RGS7: variants seen among roughly 807,000 people sequenced by gnomAD.
RGS7 encodes the protein regulator of G-protein signaling 7.
Under a neutral mutation model 81.1 loss-of-function variants are expected in RGS7, and 27 were observed. That is an observed-to-expected ratio of 0.33 (90% CI 0.25 to 0.46). RGS7 has a LOEUF of 0.46. Ranked by LOEUF, RGS7 falls within the 20% of genes least tolerant of loss-of-function variation. The probability of loss-of-function intolerance (pLI) is 1.00; values close to 1 mark genes in which losing one functional copy is unlikely to be tolerated. For missense variants in RGS7, 396 were observed against 607.4 expected, an observed-to-expected ratio of 0.65 and a Z score of 3.66; for synonymous variants, 208 against 207.7, an observed-to-expected ratio of 1.00 and a Z score of -0.01.
At chr1:241,171,338 G>C (rs58065929) in intron 2 of RGS7, among the ~76,000 whole-genome samples, 24,704 of 152,072 alleles carry the variant, frequency 0.16, 2,875 homozygotes, top group African/African-American at 0.32. Context: ...TAATTTCTCA[G>C]CATAATTCCA....
chr1:240,888,474 C>G (rs193175377), intron 6 of RGS7, among the ~76,000 whole-genome samples: 3 of 152,094 alleles, frequency 2.0e-5, no homozygotes, highest in Non-Finnish European at 4.4e-5. Flanking sequence ...ACCTTGTGCC[C>G]GGCTTTTCCT....
At chr1:241,340,680 A>G (rs1017270737) in intron 2 of RGS7, among the ~76,000 whole-genome samples, 1 of 152,158 alleles carries the variant, frequency 6.6e-6, no homozygotes, top group Non-Finnish European at 1.5e-5. Context: ...CCTGAAAACT[A>G]AGGATGGAAA....
Position 240,917,052 on chromosome 1 carries a change from C to G in RGS7, c.385+13665G>C, listed in dbSNP as rs552340121. On this transcript the variant is annotated intron_variant, in intron 6 of 18. Transcript: ENST00000440928. Reference sequence around the variant, plus strand: ...TACCTGGAGAGAAAAAATAAAATAACTGCTTTGAATTTCTCATCAGAAACC... The same window carrying G: ...TACCTGGAGAGAAAAAATAAAATAAGTGCTTTGAATTTCTCATCAGAAACC... 5.9e-5 allele frequency among the ~76,000 whole-genome samples: 9 copies of G among 152,218 alleles called. No individual in the cohort carries two copies. The East Asian group carries it at 1.7e-3, about 29-fold the overall frequency.
intron 18 of RGS7, among the ~76,000 whole-genome samples, chr1:240,795,164 A>AC (rs1295087683): frequency 6.6e-6 from 1 of 151,852 alleles, no homozygotes; most frequent in Admixed American, 6.6e-5. Context: ...AGCCTGGACA[A>AC]CAAGAGCAAA....
chr1:241,013,489 T>C (rs1012147040), intron 3 of RGS7, among the ~76,000 whole-genome samples: 3 of 152,216 alleles, frequency 2.0e-5, no homozygotes, highest in Non-Finnish European at 1.5e-5. Flanking sequence ...AGCTAAGAAC[T>C]TGCGAGGGTT....
intron 4 of RGS7, among the ~76,000 whole-genome samples, chr1:240,951,883 A>C (rs1268161828): frequency 6.6e-6 from 1 of 152,206 alleles, no homozygotes; most frequent in Non-Finnish European, 1.5e-5. Flanking sequence ...TCTTGAAAAA[A>C]GCGAGAAAAA....
chr1:241,025,459 A>G (rs2148709148), intron 3 of RGS7, among the ~76,000 whole-genome samples: 1 of 152,346 alleles, frequency 6.6e-6, no homozygotes, highest in Admixed American at 6.5e-5. Context: ...TCATTTGTCC[A>G]AGGTCACAGA....
At chr1:240,832,700 A>G (rs554647765) in intron 9 of RGS7, among the ~76,000 whole-genome samples, 1 of 152,332 alleles carries the variant, frequency 6.6e-6, no homozygotes, top group South Asian at 2.1e-4. Flanking sequence ...AATACAGAAC[A>G]GCTGTGTTTA....
chr1:241,195,922 C>T (rs1194095677), intron 2 of RGS7, among the ~76,000 whole-genome samples: 1 of 152,034 alleles, frequency 6.6e-6, no homozygotes, highest in Non-Finnish European at 1.5e-5. Flanking sequence ...AAATGGGGCA[C>T]AAGCAATATT....
rs545242717 is a variant in RGS7, at chr1:240,933,089, A to G, written c.334-2321T>C. ...AGTAGAGACGGGGTTTCACCGTGTT[A>G]GCCAGGATGGTCTCCATCTCCTGAC... On this transcript the variant is annotated intron_variant, in intron 5 of 18. Transcript: ENST00000440928. 1.3e-4 allele frequency among the ~76,000 whole-genome samples: 20 copies of G among 149,974 alleles called. 1 individual carries two copies. Among genetic ancestry groups the G allele is most frequent in the South Asian group, 4.2e-4 (2 of 4,742 alleles).
At chr1:240,834,844 C>G (rs1174997151) in intron 9 of RGS7, among the ~76,000 whole-genome samples, 2 of 151,050 alleles carry the variant, frequency 1.3e-5, no homozygotes, top group African/African-American at 4.9e-5. Flanking sequence ...TAATTGGAAG[C>G]CACTGGAGAG....
At chr1:241,160,798 T>C (rs1052011045) in intron 2 of RGS7, among the ~76,000 whole-genome samples, 2 of 152,186 alleles carry the variant, frequency 1.3e-5, no homozygotes, top group Non-Finnish European at 2.9e-5. Context: ...TTCCAGCTTA[T>C]TAAATCTTTT....
At chr1:241,196,562 T>A (rs2073091764) in intron 2 of RGS7, among the ~76,000 whole-genome samples, 2 of 145,056 alleles carry the variant, frequency 1.4e-5, no homozygotes, top group South Asian at 2.2e-4. Flanking sequence ...ATAGGAACTT[T>A]AAGATAACAG....
At chr1:241,257,876 G>T (rs1031345884) in intron 2 of RGS7, among the ~76,000 whole-genome samples, 5 of 152,144 alleles carry the variant, frequency 3.3e-5, no homozygotes, top group African/African-American at 1.2e-4. Context: ...ACACGACATA[G>T]ACTATATAGT....
intron 18 of RGS7, among the ~76,000 whole-genome samples, chr1:240,781,191 A>G (rs1684001850): frequency 6.6e-6 from 1 of 152,336 alleles, no homozygotes; most frequent in East Asian, 1.9e-4. Context: ...GGAAATAATT[A>G]AAAAATACTT....
At chr1:241,226,018 C>T (rs2075290317) in intron 2 of RGS7, among the ~76,000 whole-genome samples, 1 of 152,170 alleles carries the variant, frequency 6.6e-6, no homozygotes, top group Non-Finnish European at 1.5e-5. Flanking sequence ...AGAAAGTTTA[C>T]ACACAATCAA....
intron 14 of RGS7, among the ~76,000 whole-genome samples, chr1:240,809,671 T>G (rs560124255): frequency 1.8e-4 from 28 of 152,322 alleles, no homozygotes; most frequent in African/African-American, 6.5e-4. Flanking sequence ...GGTGGTTGGA[T>G]GTGTGATGAT....
At chr1:241,141,094 C>T (rs2067889247) in intron 2 of RGS7, among the ~76,000 whole-genome samples, 1 of 152,154 alleles carries the variant, frequency 6.6e-6, no homozygotes, top group South Asian at 2.1e-4. Context: ...CAGAGGAGTG[C>T]AATTACTCTA....
chr1:240,948,462 T>A (rs1344094755), intron 4 of RGS7, among the ~76,000 whole-genome samples: 4 of 152,296 alleles, frequency 2.6e-5, no homozygotes, highest in East Asian at 1.9e-4. Flanking sequence ...TTATTTATTT[T>A]TTTGAGACGG....
Sources: gnomAD v4.1 joint callset for allele counts (sites outside exome capture counted in the v4.1 genomes callset) on GRCh38, gnomAD v4.1.1 for gene constraint, MANE v1.5 for transcripts, NCBI Gene and HGNC (gene_info 2026-07-23, HGNC 2026-07-21) for gene names.